The following SANBR variants were observed in gnomAD, a reference collection of about 807,000 sequenced individuals.
SANBR encodes the protein SANT and BTB domain regulator of class switch recombination.
A neutral mutation model predicts 101.8 loss-of-function variants in SANBR; 77 were observed. The observed-to-expected ratio is 0.76, with a 90% CI of 0.63 to 0.91. SANBR has a LOEUF of 0.91. Ranked by LOEUF, SANBR falls within the 40% of genes least tolerant of loss-of-function variation. SANBR has a pLI of 0.00. For missense variants in SANBR, 875 were observed against 853.0 expected, an observed-to-expected ratio of 1.03 and a Z score of -0.32; for synonymous variants, 279 against 274.7, an observed-to-expected ratio of 1.02 and a Z score of -0.15.
At chr2:61,110,709 A>G (rs1329703993) in intron 16 of SANBR, among the ~76,000 whole-genome samples, 1 of 151,842 alleles carries the variant, frequency 6.6e-6, no homozygotes, top group African/African-American at 2.4e-5. Flanking sequence ...TTAGCTGGGC[A>G]TGGTGGCAGG....
At chr2:61,132,441 G>T (rs769174460) in intron 20 of SANBR, among the ~76,000 whole-genome samples, 2 of 152,148 alleles carry the variant, frequency 1.3e-5, no homozygotes, top group African/African-American at 4.8e-5. Context: ...GGCCATCAGG[G>T]AAATGCAAAT....
downstream of SANBR, among the ~76,000 whole-genome samples, chr2:61,125,028 G>A (rs1177287): frequency 0.76 from 115,783 of 152,198 alleles, 45,524 homozygotes; most frequent in African/African-American, 0.94. Flanking sequence ...CTGAGCAACT[G>A]TGTCACACTT....
rs74585497 is a variant in SANBR at position 61,111,095 on chromosome 2, T to C, written c.1744+1799T>C. Among the ~76,000 whole-genome samples the C allele has an allele frequency of 4.6e-3, 693 of 152,110 alleles. 2 individuals are homozygous for C. Among genetic ancestry groups the C allele is most frequent in the Non-Finnish European group, 6.7e-3 (455 of 67,978 alleles). ...CATGTTAAACAACCCTCCAATGACA[T>C]TGAAAAAACATGCTGCAGCCAGGCG... is the stretch of plus-strand genomic sequence containing the variant. On this transcript the variant is annotated intron_variant, in intron 16 of 21. Transcript: ENST00000402291.
At chr2:61,118,229 GTGTTTGTTTGTT>G in intron 20 of SANBR, 113 bp downstream of exon 20, 2 of 697,844 alleles carry the variant, frequency 2.9e-6, no homozygotes. Context: ...AGTAATTTAT[GTGTTTGTTTGTT>G]TGTTTGTTTT....
At chr2:61,133,261 A>G (rs1257384480) in intron 20 of SANBR, among the ~76,000 whole-genome samples, 1 of 152,140 alleles carries the variant, frequency 6.6e-6, no homozygotes, top group Non-Finnish European at 1.5e-5. Context: ...TGTCTCAAAA[A>G]AAAAAATTCT....
intron 13 of SANBR, among the ~76,000 whole-genome samples, 173 bp from the exon 14 acceptor site, chr2:61,106,390 C>CAAAAAAAAAAAAAA (rs11364653): frequency 1.6e-5 from 1 of 63,262 alleles, no homozygotes; most frequent in African/African-American, 6.3e-5. Context: ...GACTCCATCT[C>CAAAAAAAAAAAAAA]AAAAAAAAAA....
chr2:61,131,382 CTT>C (rs1684684510), intron 20 of SANBR, among the ~76,000 whole-genome samples: 2 of 152,030 alleles, frequency 1.3e-5, no homozygotes, highest in Admixed American at 1.3e-4. Flanking sequence ...AAGAAATCAA[CTT>C]ATTTCTATAT....
chr2:61,076,857 A>G (rs1231139520), intron 5 of SANBR, 63 bp from the exon 6 acceptor site: 6 of 1,130,140 alleles, frequency 5.3e-6, no homozygotes, highest in African/African-American at 1.6e-5. Context: ...ACTAAATGTC[A>G]GTATTCTTGA....
rs778349801 is a variant in SANBR at position 61,123,024 on chromosome 2, C to T, written c.*862C>T. 3.1e-5 allele frequency: 30 copies of T among 980,512 alleles called. No homozygotes were observed. The highest frequency in any genetic ancestry group is 5.2e-4 in the Middle Eastern group (1 of 1,932). 60.7% of individuals were successfully genotyped at this position (980,512 alleles called of 1,614,324 possible). On this transcript the variant is annotated 3_prime_UTR_variant, in exon 22 of 22. Coordinates refer to ENST00000402291, the MANE Select transcript of SANBR (RefSeq NM_001129993.3). ...CTTAAAACAGTTATACTTGCTAGTT[C>T]GGTCTAAAATTTTCCAAATACATTA...
Position 61,122,294 on chromosome 2 carries a change from A to G in SANBR, c.*132A>G. 1 of 1,311,704 alleles carries G rather than the reference A, an allele frequency of 7.6e-7. No homozygotes were observed. Among genetic ancestry groups the G allele is most frequent in the Non-Finnish European group, 1.0e-6 (1 of 1,004,530 alleles). The allele number at this position is 1,311,704 out of a possible 1,614,324, so 81.3% of individuals were successfully genotyped here. ...ATTATTATTTTAATCCACATAAATC[A>G]TAATTCTAAAAGAAATGCATAGTTA... On this transcript the variant is annotated 3_prime_UTR_variant, in exon 22 of 22. Coordinates refer to ENST00000402291, the MANE Select transcript of SANBR (RefSeq NM_001129993.3).
chr2:61,124,165 G>T lies in SANBR; in HGVS notation c.*2003G>T. ...GTCTGTTATACATAGCACTGGTACC[G>T]CAAACATTTTACTTAAACTCTTAAT... On this transcript the variant is annotated 3_prime_UTR_variant, in exon 22 of 22. Coordinates refer to ENST00000402291, the MANE Select transcript of SANBR (RefSeq NM_001129993.3). 2.0e-6 allele frequency: 2 copies of T among 981,674 alleles called. No individual in the cohort carries two copies. The highest frequency in any genetic ancestry group is 1.2e-6 in the Non-Finnish European group (1 of 826,438). The allele number at this position is 981,674 out of a possible 1,614,324, so 60.8% of individuals were successfully genotyped here.
chr2:61,083,621 G>A (rs1361464614), intron 8 of SANBR, among the ~76,000 whole-genome samples: 1 of 151,800 alleles, frequency 6.6e-6, no homozygotes, highest in Non-Finnish European at 1.5e-5. Flanking sequence ...TGTAATCCCA[G>A]CACTTTGGGA....
At chr2:61,096,069 CT>C (rs1263393457) in intron 11 of SANBR, among the ~76,000 whole-genome samples, 3 of 152,086 alleles carry the variant, frequency 2.0e-5, no homozygotes, top group Non-Finnish European at 4.4e-5. Context: ...CATGGTATTT[CT>C]TACAAACTTT....
rs774910138 is a variant in SANBR, at chr2:61,121,117, C to A, written c.2029-68C>A. 8 of 1,065,298 alleles carry A rather than the reference C, an allele frequency of 7.5e-6. No individual in the cohort carries two copies. The East Asian group carries it at 1.6e-4, about 21-fold the overall frequency. The allele number at this position is 1,065,298 out of a possible 1,614,324, so 66.0% of individuals were successfully genotyped here. ...AATTACTTCTAAATTAAAAAGTAAT[C>A]CCATTTTAATAAAGCAGAGCTTCTA... is the stretch of plus-strand genomic sequence containing the variant. On this transcript the variant is annotated intron_variant, in intron 20 of 21. Transcript: ENST00000402291.
chr2:61,092,627 T>C, intron 11 of SANBR, 40 bp downstream of exon 11: 1 of 1,459,104 alleles, frequency 6.9e-7, no homozygotes, highest in Non-Finnish European at 9.3e-7. Context: ...CTGCAAATAT[T>C]GAGAGCAAGA....
At chr2:61,130,121 C>G (rs772453258) in intron 20 of SANBR, among the ~76,000 whole-genome samples, 1 of 151,948 alleles carries the variant, frequency 6.6e-6, no homozygotes, top group Non-Finnish European at 1.5e-5. Flanking sequence ...TTTTCTGTTT[C>G]TTTATTCCTC....
At chr2:61,114,134 C>T (rs1683963414) in intron 16 of SANBR, among the ~76,000 whole-genome samples, 1 of 152,138 alleles carries the variant, frequency 6.6e-6, no homozygotes, top group African/African-American at 2.4e-5. Flanking sequence ...TCCACAGATC[C>T]TGACCCAACG....
intron 17 of SANBR, 101 bp downstream of exon 17, chr2:61,116,171 A>G: frequency 1.3e-6 from 1 of 775,408 alleles, no homozygotes; most frequent in Non-Finnish European, 2.1e-6. Flanking sequence ...ATGGAATGCT[A>G]GCAATGTAAA....
chr2:61,093,670 C>T (rs1177633615), intron 11 of SANBR, among the ~76,000 whole-genome samples: 1 of 151,952 alleles, frequency 6.6e-6, no homozygotes, highest in African/African-American at 2.4e-5. Flanking sequence ...ATTAAAAAAT[C>T]CTTATTGCCT....
Sources: allele counts gnomAD v4.1 joint callset (sites outside exome capture counted in the v4.1 genomes callset), GRCh38; gene constraint gnomAD v4.1.1; transcripts MANE v1.5; gene names NCBI Gene and HGNC (gene_info 2026-07-23, HGNC 2026-07-21).